Variants in JAZF1 observed in about 807,000 individuals in gnomAD.
JAZF1 encodes JAZF zinc finger 1.
In JAZF1, 8 loss-of-function variants were observed where a neutral mutation model predicts 26.4. The observed-to-expected ratio is 0.30, with a 90% CI of 0.18 to 0.55. The LOEUF (loss-of-function observed/expected upper bound fraction) is 0.55. Ranked by LOEUF, JAZF1 falls within the 20% of genes least tolerant of loss-of-function variation. The probability of loss-of-function intolerance (pLI) is 0.94; values close to 1 mark genes in which losing one functional copy is unlikely to be tolerated. For missense variants in JAZF1, 199 were observed against 322.0 expected (o/e 0.62, Z 2.92); for synonymous variants, 126 against 122.3 (o/e 1.03, Z -0.20).
In JAZF1 at chr7:27,840,616, A is replaced by T; in HGVS notation, c.555+82T>A. On this transcript the variant is annotated intron_variant, in intron 4 of 4. Coordinates refer to ENST00000283928, the MANE Select transcript of JAZF1 (RefSeq NM_175061.4). The surrounding 1 kb of genome is among the most constrained non-coding windows in gnomAD (Gnocchi z 5.1). Reference sequence around the variant, plus strand: ...TCCCCCCAGCCCATACGCTCGCTTTAAAATCAAGAAAGGGCTGCTGCCTTC... The same window carrying T: ...TCCCCCCAGCCCATACGCTCGCTTTTAAATCAAGAAAGGGCTGCTGCCTTC... The T allele has an allele frequency of 6.9e-7, 1 of 1,446,826 alleles. No individual in the cohort carries two copies. The highest frequency in any genetic ancestry group is 9.6e-7 in the Non-Finnish European group (1 of 1,045,976). The allele number at this position is 1,446,826 out of a possible 1,614,324, so 89.6% of individuals were successfully genotyped here. A position where few individuals can be genotyped will look rare whatever the true frequency, so the allele number is the denominator to read the frequency against.
chr7:28,067,979 T>A lies in JAZF1; in HGVS notation c.116-75998A>T, dbSNP rs141701243. Among the ~76,000 whole-genome samples, 873 of 152,298 alleles carry A rather than the reference T, an allele frequency of 5.7e-3. 4 individuals are homozygous for A. The highest frequency in any genetic ancestry group is 7.2e-3 in the Non-Finnish European group (490 of 68,014). ...CCCAAGCTGGAGTGCAATGGTGCGA[T>A]CTCAGCTCACTGAAACCTCCACCTC... is the stretch of plus-strand genomic sequence containing the variant. On this transcript the variant is annotated intron_variant, in intron 1 of 4. Coordinates refer to ENST00000283928, the MANE Select transcript of JAZF1 (RefSeq NM_175061.4).
intron 2 of JAZF1, among the ~76,000 whole-genome samples, chr7:27,976,092 C>T (rs1450837816): frequency 6.6e-6 from 1 of 152,180 alleles, no homozygotes; most frequent in African/African-American, 2.4e-5. Flanking sequence ...CGCCTGTAAT[C>T]CCAGCACTTT....
chr7:27,981,914 A>C (rs966073736), intron 2 of JAZF1, among the ~76,000 whole-genome samples: 1 of 152,176 alleles, frequency 6.6e-6, no homozygotes, highest in Non-Finnish European at 1.5e-5. Context: ...CCCCATCCCT[A>C]TTCTTTGACT....
At chr7:28,126,239 T>C (rs1422034327) in intron 1 of JAZF1, among the ~76,000 whole-genome samples, 2 of 152,176 alleles carry the variant, frequency 1.3e-5, no homozygotes, top group South Asian at 2.1e-4. Context: ...CAAATATTTA[T>C]TGCACAGTTA....
chr7:28,080,303 G>C (rs1784114653), intron 1 of JAZF1, among the ~76,000 whole-genome samples: 1 of 152,192 alleles, frequency 6.6e-6, no homozygotes, highest in Non-Finnish European at 1.5e-5. Flanking sequence ...TCAGGCTTTG[G>C]CTTACGGGAA....
intron 3 of JAZF1, among the ~76,000 whole-genome samples, chr7:27,852,849 T>A (rs561796463): frequency 6.6e-6 from 1 of 152,362 alleles, no homozygotes; most frequent in South Asian, 2.1e-4. Context: ...CCAGTCATTA[T>A]CCTACTCTGT....
At chr7:27,854,184 G>A (rs1039075741) in intron 3 of JAZF1, among the ~76,000 whole-genome samples, 1 of 152,144 alleles carries the variant, frequency 6.6e-6, no homozygotes, top group Non-Finnish European at 1.5e-5. Context: ...CAGAGACTAG[G>A]ATTCCAACCC....
intron 1 of JAZF1, among the ~76,000 whole-genome samples, chr7:28,158,144 C>CGT (rs1404849458): frequency 1.4e-5 from 2 of 139,992 alleles, no homozygotes; most frequent in African/African-American, 2.6e-5. Flanking sequence ...ATTGAAAACA[C>CGT]GCGCGCACAC....
chr7:27,912,322 T>C (rs1373290408), intron 2 of JAZF1, among the ~76,000 whole-genome samples: 3 of 152,204 alleles, frequency 2.0e-5, no homozygotes, highest in East Asian at 3.8e-4. Context: ...CAAAAACACC[T>C]AGAGAAAAAG....
At chr7:28,140,041 C>A (rs1344532883) in intron 1 of JAZF1, among the ~76,000 whole-genome samples, 1 of 150,986 alleles carries the variant, frequency 6.6e-6, no homozygotes, top group East Asian at 2.0e-4. Context: ...AAAGTAAGTT[C>A]TTCAAGGTCT....
chr7:28,136,454 T>G (rs937293098), intron 1 of JAZF1, among the ~76,000 whole-genome samples: 1 of 152,238 alleles, frequency 6.6e-6, no homozygotes, highest in Non-Finnish European at 1.5e-5. Flanking sequence ...GGATCTGGGC[T>G]GCACCACTCC....
chr7:28,167,463 C>T (rs1028402378), intron 1 of JAZF1, among the ~76,000 whole-genome samples: 1 of 152,190 alleles, frequency 6.6e-6, no homozygotes, highest in Non-Finnish European at 1.5e-5. Flanking sequence ...GTGAGGCAAG[C>T]GAGCTCCAGG....
At chr7:27,927,006 T>C (rs1171499998) in intron 2 of JAZF1, among the ~76,000 whole-genome samples, 1 of 152,224 alleles carries the variant, frequency 6.6e-6, no homozygotes, top group African/African-American at 2.4e-5. Context: ...TTCATTTGTA[T>C]GGACAGACAT....
At chr7:27,977,226 T>C (rs1785488212) in intron 2 of JAZF1, among the ~76,000 whole-genome samples, 1 of 152,200 alleles carries the variant, frequency 6.6e-6, no homozygotes, top group Non-Finnish European at 1.5e-5. Flanking sequence ...CCTATGAAAA[T>C]ACTGAGTTTT....
intron 1 of JAZF1, among the ~76,000 whole-genome samples, chr7:28,032,871 G>A (rs757220294): frequency 5.9e-5 from 9 of 152,026 alleles, no homozygotes; most frequent in Non-Finnish European, 1.2e-4. Context: ...GCATCCACAT[G>A]CTCTACCATC....
At chr7:28,060,809 A>G (rs1783785522) in intron 1 of JAZF1, among the ~76,000 whole-genome samples, 2 of 152,304 alleles carry the variant, frequency 1.3e-5, no homozygotes, top group South Asian at 2.1e-4. Flanking sequence ...TGGAGGTTGT[A>G]AAAACCTAAG....
At chr7:28,056,548 T>C (rs1044991544) in intron 1 of JAZF1, among the ~76,000 whole-genome samples, 2 of 151,506 alleles carry the variant, frequency 1.3e-5, no homozygotes, top group Admixed American at 1.3e-4. Flanking sequence ...ACAGAAGAAA[T>C]CATTATAAAC....
At chr7:28,024,851 T>C (rs566449963) in intron 1 of JAZF1, among the ~76,000 whole-genome samples, 1 of 152,296 alleles carries the variant, frequency 6.6e-6, no homozygotes, top group Non-Finnish European at 1.5e-5. Flanking sequence ...GCAACAAGCA[T>C]ATTGGGACAC....
intron 1 of JAZF1, among the ~76,000 whole-genome samples, chr7:28,049,874 C>T (rs960843993): frequency 4.6e-5 from 7 of 152,158 alleles, no homozygotes; most frequent in African/African-American, 1.4e-4. Context: ...TTTCTATGTT[C>T]ACCACCCCAG....
Sources: allele counts gnomAD v4.1 joint callset (sites outside exome capture counted in the v4.1 genomes callset), GRCh38; gene constraint gnomAD v4.1.1; non-coding constraint Gnocchi (gnomAD v3.1); transcripts MANE v1.5; gene names NCBI Gene and HGNC (gene_info 2026-07-23, HGNC 2026-07-21).